Variants in RSPO3 observed in about 807,000 individuals in gnomAD.
The protein encoded by RSPO3 is R-spondin-3.
A neutral mutation model predicts 36.5 loss-of-function variants in RSPO3; 17 were observed. That is an observed-to-expected ratio of 0.47 (90% CI 0.32 to 0.70). RSPO3 has a LOEUF of 0.70. Among genes scored for constraint, RSPO3 ranks in the 30% least tolerant of loss-of-function variants. The probability of loss-of-function intolerance (pLI) is 0.04; values close to 1 mark genes in which losing one functional copy is unlikely to be tolerated. For synonymous variants in RSPO3, 108 were observed against 107.0 expected, an observed-to-expected ratio of 1.01 and a Z score of -0.06; for missense variants, 294 against 322.5, an observed-to-expected ratio of 0.91 and a Z score of 0.68.
In RSPO3 at chr6:127,120,276, C is replaced by A. The variant is rs530468847; in HGVS notation, c.97+987C>A. 9.2e-5 allele frequency among the ~76,000 whole-genome samples: 14 copies of A among 152,296 alleles called. No individual in the cohort carries two copies. In the South Asian group the frequency reaches 1.9e-3, roughly 20 times the overall value. Reference sequence around the variant, plus strand: ...GTCACCTCTCCTCGCTCCAGGGTAGCCTGGCGCCCTCGCTGCTCTAGTGTC... The same window carrying A: ...GTCACCTCTCCTCGCTCCAGGGTAGACTGGCGCCCTCGCTGCTCTAGTGTC... On this transcript the variant is annotated intron_variant, in intron 1 of 4. Transcript: ENST00000356698.
At chr6:127,176,207 A>C (rs997844306) in intron 4 of RSPO3, among the ~76,000 whole-genome samples, 8 of 151,924 alleles carry the variant, frequency 5.3e-5, no homozygotes, top group Admixed American at 3.3e-4. Context: ...TTTATGAGAT[A>C]CTTTAATGTT....
chr6:127,189,968 C>CT (rs1775374819), intron 4 of RSPO3, among the ~76,000 whole-genome samples: 1 of 152,052 alleles, frequency 6.6e-6, no homozygotes, highest in Admixed American at 6.6e-5. Context: ...AAGAAGTTTT[C>CT]TATTTTATTA....
intron 4 of RSPO3, among the ~76,000 whole-genome samples, chr6:127,184,026 A>G (rs1775240727): frequency 6.6e-6 from 1 of 151,882 alleles, no homozygotes; most frequent in South Asian, 2.1e-4. Flanking sequence ...AAACCATCAA[A>G]TCTCATGAGA....
rs553162751 is a variant in RSPO3, at chr6:127,143,308, T to C, written c.98-5340T>C. On this transcript the variant is annotated intron_variant, in intron 1 of 4. Transcript: ENST00000356698. ...CTTCCCTCAGGAAGCGTACAGTCAA[T>C]GTGAGCACACTTCTAAAAAGAGAAG... is the stretch of plus-strand genomic sequence containing the variant. 2.6e-5 allele frequency among the ~76,000 whole-genome samples: 4 copies of C among 152,148 alleles called. No homozygotes were observed. In the East Asian group the frequency reaches 7.7e-4, roughly 29 times the overall value.
rs1775551576 is a variant in RSPO3, at chr6:127,198,080, A to G, written c.*2073A>G. ...TTTATTCAACAAGCACTTACTGGGA[A>G]GGTCTACACCTGCATAGGCAATGCT... On this transcript the variant is annotated 3_prime_UTR_variant, in exon 5 of 5. Transcript: ENST00000356698. Among the ~76,000 whole-genome samples the G allele has an allele frequency of 6.6e-6, 1 of 152,192 alleles. No individual in the cohort carries two copies. Among genetic ancestry groups the G allele is most frequent in the East Asian group, 1.9e-4 (1 of 5,176 alleles).
Position 127,154,328 on chromosome 6 carries a change from C to A in RSPO3, c.437-913C>A, listed in dbSNP as rs757540396. On this transcript the variant is annotated intron_variant, in intron 3 of 4. Transcript: ENST00000356698. ...TTTTAGGGACATAAATATAATAGCA[C>A]CTTGAGATGTTTCTTTTCTTTAGAA... is the stretch of plus-strand genomic sequence containing the variant. Among the ~76,000 whole-genome samples, 17 of 152,166 alleles carry A rather than the reference C, an allele frequency of 1.1e-4. No homozygotes were observed. In the South Asian group the frequency reaches 1.7e-3, roughly 15 times the overall value.
At chr6:127,150,188 C>T (rs958869969) in intron 2 of RSPO3, among the ~76,000 whole-genome samples, 6 of 143,052 alleles carry the variant, frequency 4.2e-5, no homozygotes, top group East Asian at 4.0e-4. Context: ...TATATATATA[C>T]ACACACACAA....
Sources: gnomAD v4.1 joint callset for allele counts (sites outside exome capture counted in the v4.1 genomes callset) on GRCh38, gnomAD v4.1.1 for gene constraint, MANE v1.5 for transcripts, NCBI Gene and HGNC (gene_info 2026-07-23, HGNC 2026-07-21) for gene names.